Variants in SNAP29 observed in about 807,000 individuals in gnomAD.
SNAP29 encodes synaptosome associated protein 29.
Under a neutral mutation model 27.9 loss-of-function variants are expected in SNAP29, and 13 were observed. The ratio of observed to expected loss-of-function variants is 0.47; its 90% CI spans 0.30 to 0.74. The LOEUF (loss-of-function observed/expected upper bound fraction) is 0.74, where lower values mean the gene tolerates loss of function less well. SNAP29 is among the 30% of genes least tolerant of loss of function. The probability of loss-of-function intolerance (pLI) is 0.06; values close to 1 mark genes in which losing one functional copy is unlikely to be tolerated. For missense variants in SNAP29, 368 were observed against 336.5 expected, an observed-to-expected ratio of 1.09 and a Z score of -0.73; for synonymous variants, 119 against 127.1, an observed-to-expected ratio of 0.94 and a Z score of 0.43.
At chr22:20,884,055 G>C (rs750297701) in intron 4 of SNAP29, among the ~76,000 whole-genome samples, 18 of 152,312 alleles carry the variant, frequency 1.2e-4, no homozygotes, top group Non-Finnish European at 2.4e-4. Context: ...GCAGGGGGCC[G>C]GGCGCAGTGG....
chr22:20,881,018 C>A (rs181730995), intron 2 of SNAP29, 31 bp from the exon 3 acceptor site: 1 of 1,435,280 alleles, frequency 7.0e-7, no homozygotes. Context: ...CCTTTTTAAA[C>A]GTTTTCTTTT....
chr22:20,880,617 A>G (rs923623475), intron 2 of SNAP29, among the ~76,000 whole-genome samples: 27 of 152,066 alleles, frequency 1.8e-4, no homozygotes, highest in African/African-American at 5.1e-4. Flanking sequence ...TGGTTGTTCC[A>G]TGTGCTTTTC....
intron 4 of SNAP29, among the ~76,000 whole-genome samples, chr22:20,886,110 A>ACC (rs144704533): frequency 0.31 from 44,362 of 144,346 alleles, 6,874 homozygotes; most frequent in Admixed American, 0.41. Context: ...CTGAAGACTT[A>ACC]TCTTTTTTTT....
intron 1 of SNAP29, among the ~76,000 whole-genome samples, chr22:20,869,119 G>A (rs1461572055): frequency 6.6e-6 from 1 of 152,168 alleles, no homozygotes; most frequent in Non-Finnish European, 1.5e-5. Flanking sequence ...AACTAGCCAG[G>A]CATGGTGGCA....
At chr22:20,867,430 T>C (rs556537848) in intron 1 of SNAP29, among the ~76,000 whole-genome samples, 58 of 152,294 alleles carry the variant, frequency 3.8e-4, no homozygotes, top group African/African-American at 1.2e-3. Flanking sequence ...CCTTACAGAC[T>C]GTCAGTGTTC....
At position 20,890,074 on chromosome 22, in the gene SNAP29, G is replaced by A. The variant is rs967396570; in HGVS notation, c.*2238G>A. Reference sequence around the variant, plus strand: ...TCTTGTTCAGACCCTCTCGTTCTACGTCCTGTGCTGAGGGGACTGTCCGTA... The same window carrying A: ...TCTTGTTCAGACCCTCTCGTTCTACATCCTGTGCTGAGGGGACTGTCCGTA... On this transcript the variant is annotated 3_prime_UTR_variant, in exon 5 of 5. Coordinates refer to ENST00000215730, the MANE Select transcript of SNAP29 (RefSeq NM_004782.4). 6 of 393,158 alleles carry A rather than the reference G, an allele frequency of 1.5e-5. No individual in the cohort carries two copies. Among genetic ancestry groups the A allele is most frequent in the Admixed American group, 4.4e-5 (1 of 22,486 alleles). The allele number at this position is 393,158 out of a possible 1,614,324, so 24.4% of individuals were successfully genotyped here. A position where few individuals can be genotyped will look rare whatever the true frequency, so the allele number is the denominator to read the frequency against.
chr22:20,864,455 C>T (rs906454163), intron 1 of SNAP29, among the ~76,000 whole-genome samples: 1 of 152,100 alleles, frequency 6.6e-6, no homozygotes, highest in African/African-American at 2.4e-5. Context: ...ATCAAGGTGT[C>T]CCCGGAACTT....
intron 4 of SNAP29, 88 bp from the exon 5 acceptor site, chr22:20,887,591 T>A (rs982830191): frequency 1.4e-6 from 2 of 1,415,596 alleles, no homozygotes; most frequent in Non-Finnish European, 2.0e-6. Flanking sequence ...CAGATCCCTG[T>A]CTCTCCCACT....
rs1253064073 is a variant in SNAP29, at chr22:20,859,257, C to T, written c.147C>T (p.Val49=). The change falls in exon 1 of 5, where the codon GTC becomes GTT. Residue 49 remains valine, a synonymous_variant. Transcript: ENST00000215730. ...GGCAGCAGTACTTGCGGCAGGAGGT[C>T]CTCCGCAGGGCTGAGGCCACGGCCG... is the stretch of plus-strand genomic sequence containing the variant. ...ADRQQYLRQE[V]LRRAEATAAS... The T allele has an allele frequency of 1.9e-6, 3 of 1,605,506 alleles. No individual in the cohort carries two copies. The highest frequency in any genetic ancestry group is 2.5e-6 in the Non-Finnish European group (3 of 1,177,556).
In SNAP29 at chr22:20,883,474, C is replaced by G; in HGVS notation, c.524C>G (p.Pro175Arg). Residue 175 changes from proline to arginine, a missense_variant, in exon 4 of 5, where the codon CCT becomes CGT. Coordinates refer to ENST00000215730, the MANE Select transcript of SNAP29 (RefSeq NM_004782.4). ...TGGTGTTTCCTTCTAAACTTAGACCCTGTCCCCAGAGGGGCTGGTTCTGCC... is the reference window on the plus strand; with the variant it reads ...TGGTGTTTCCTTCTAAACTTAGACCGTGTCCCCAGAGGGGCTGGTTCTGCC... ...PNLRKLDDTD[P>R]VPRGAGSAMS... 6.2e-7 allele frequency: 1 copy of G among 1,606,630 alleles called. No individual in the cohort carries two copies. Among genetic ancestry groups the G allele is most frequent in the South Asian group, 1.1e-5 (1 of 90,888 alleles).
rs1928406966 is a variant in SNAP29, at chr22:20,864,343, C to T, written c.237+4996C>T. Among the ~76,000 whole-genome samples, 4 of 152,180 alleles carry T rather than the reference C, an allele frequency of 2.6e-5. No homozygotes were observed. In the South Asian group the frequency reaches 8.3e-4, roughly 31 times the overall value. On this transcript the variant is annotated intron_variant, in intron 1 of 4. Transcript: ENST00000215730. ...CACACCGTCTCGTGCAGGGGCCCACCCATCTCTGTGTCTTTCCAGCACACA... is the reference window on the plus strand; with the variant it reads ...CACACCGTCTCGTGCAGGGGCCCACTCATCTCTGTGTCTTTCCAGCACACA...
chr22:20,870,147 G>A (rs1461619302), intron 1 of SNAP29, among the ~76,000 whole-genome samples, 190 bp from the exon 2 acceptor site: 1 of 152,126 alleles, frequency 6.6e-6, no homozygotes, highest in African/African-American at 2.4e-5. Flanking sequence ...AAAGCAAGTA[G>A]AGGTAGGGCA....
intron 1 of SNAP29, among the ~76,000 whole-genome samples, chr22:20,870,060 C>T (rs938963290): frequency 2.6e-5 from 4 of 152,102 alleles, no homozygotes; most frequent in African/African-American, 9.7e-5. Context: ...TGAATCACTG[C>T]GCCACCCTCT....
Position 20,887,239 on chromosome 22 carries a change from C to A in SNAP29, c.620-440C>A, listed in dbSNP as rs201917398. The stretch of plus-strand genomic sequence containing the variant: ...AATGCTGTCTCAAAAAAAAAAAAAA[C>A]AAAAAACTGATTTTGCTTAGATTTG... On this transcript the variant is annotated intron_variant, in intron 4 of 4. Coordinates refer to ENST00000215730, the MANE Select transcript of SNAP29 (RefSeq NM_004782.4). Among the ~76,000 whole-genome samples the A allele has an allele frequency of 1.9e-3, 278 of 147,374 alleles. 1 individual carries two copies. The highest frequency in any genetic ancestry group is 4.1e-3 in the South Asian group (19 of 4,608).
chr22:20,886,294 C>T (rs1307571581), intron 4 of SNAP29, among the ~76,000 whole-genome samples: 1 of 148,694 alleles, frequency 6.7e-6, no homozygotes, highest in Admixed American at 6.7e-5. Context: ...GACTTGAAGA[C>T]AATCTTTTTA....
intron 1 of SNAP29, among the ~76,000 whole-genome samples, chr22:20,860,910 A>T (rs165593): frequency 6.6e-6 from 1 of 150,838 alleles, no homozygotes; most frequent in Non-Finnish European, 1.5e-5. Context: ...GGTGGCACAC[A>T]CATGTGAGTG....
At chr22:20,864,143 G>A (rs1928402319) in intron 1 of SNAP29, among the ~76,000 whole-genome samples, 1 of 152,144 alleles carries the variant, frequency 6.6e-6, no homozygotes, top group East Asian at 1.9e-4. Flanking sequence ...TTCCCCTCTT[G>A]TAGCTGAACT....
chr22:20,859,417 T>G, intron 1 of SNAP29, 70 bp downstream of exon 1: 1 of 1,148,182 alleles, frequency 8.7e-7, no homozygotes, highest in South Asian at 1.2e-5. Context: ...AGAAATGTTT[T>G]GCTCACAATC....
intron 3 of SNAP29, among the ~76,000 whole-genome samples, chr22:20,881,444 C>T (rs1372590486): frequency 6.6e-6 from 1 of 152,240 alleles, no homozygotes; most frequent in East Asian, 1.9e-4. Context: ...TAACACACGC[C>T]TGTAATCCCA....
Sources: allele counts gnomAD v4.1 joint callset (sites outside exome capture counted in the v4.1 genomes callset), GRCh38; gene constraint gnomAD v4.1.1; transcripts MANE v1.5; gene names NCBI Gene and HGNC (gene_info 2026-07-23, HGNC 2026-07-21).